Variants in ALDOA observed in about 807,000 individuals in gnomAD.
The protein encoded by ALDOA is fructose-bisphosphate aldolase A.
Under a neutral mutation model 43.9 loss-of-function variants are expected in ALDOA, and 26 were observed. The observed-to-expected ratio is 0.59, with a 90% CI of 0.43 to 0.82. The LOEUF is 0.82. ALDOA is among the 40% of genes least tolerant of loss of function. The probability of loss-of-function intolerance (pLI) is 0.00; values close to 1 mark genes in which losing one functional copy is unlikely to be tolerated. For synonymous variants in ALDOA, 258 were observed against 222.6 expected (o/e 1.16, Z -1.42); for missense variants, 498 against 549.5 (o/e 0.91, Z 0.94).
intron 6 of ALDOA, 115 bp downstream of exon 6, chr16:30,069,093 C>A: frequency 6.6e-7 from 1 of 1,516,264 alleles, no homozygotes; most frequent in Non-Finnish European, 9.1e-7. Flanking sequence ...TTAGCTTTGG[C>A]CCGTGGAGGA....
rs373670009 is a variant in ALDOA, at chr16:30,070,192, G to A, written c.1237G>A (p.Val413Ile). 58 of 1,614,086 alleles carry A rather than the reference G, an allele frequency of 3.6e-5. No individual in the cohort carries two copies. Among genetic ancestry groups the A allele is most frequent in the Non-Finnish European group, 4.7e-5 (56 of 1,180,026 alleles). ...AGAAASESLF[V>I]SNHAY ...GGCTGCTGCCAGCGAGTCCCTCTTCGTCTCTAACCACGCCTATTAAGCGGA... is the reference window on the plus strand; with the variant it reads ...GGCTGCTGCCAGCGAGTCCCTCTTCATCTCTAACCACGCCTATTAAGCGGA... The change falls in exon 10 of 10, where the codon GTC becomes ATC. Residue 413 changes from valine to isoleucine, a missense_variant. Val to Ile is a conservative substitution (Grantham distance 29). Coordinates refer to ENST00000642816, the MANE Select transcript of ALDOA (RefSeq NM_001243177.4).
Position 30,070,214 on chromosome 16 carries a change from C to A in ALDOA, c.*2C>A. 6.2e-7 allele frequency: 1 copy of A among 1,614,074 alleles called. No homozygotes were observed. The highest frequency in any genetic ancestry group is 8.5e-7 in the Non-Finnish European group (1 of 1,179,994). On this transcript the variant is annotated 3_prime_UTR_variant, in exon 10 of 10. Coordinates refer to ENST00000642816, the MANE Select transcript of ALDOA (RefSeq NM_001243177.4). ...TTCGTCTCTAACCACGCCTATTAAG[C>A]GGAGGTGTTCCCAGGCTGCCCCCAA...
At chr16:30,067,092 C>T in intron 2 of ALDOA, 54 bp downstream of exon 2, 1 of 1,569,160 alleles carries the variant, frequency 6.4e-7, no homozygotes, top group Non-Finnish European at 8.6e-7. Flanking sequence ...AGCTGGGGAC[C>T]AGAAGTGCCC....
At chr16:30,066,233 A>AG (rs1290793243) in intron 1 of ALDOA, 1 of 152,218 alleles carries the variant, frequency 6.6e-6, no homozygotes, top group African/African-American at 2.4e-5. Context: ...GGATCCTAAG[A>AG]GGCAGTGAGG....
Position 30,069,489 on chromosome 16 carries a change from T to C in ALDOA, c.787-10T>C. On this transcript the variant is annotated splice_polypyrimidine_tract_variant and intron_variant, in intron 7 of 9. Coordinates refer to ENST00000642816, the MANE Select transcript of ALDOA (RefSeq NM_001243177.4). ...ACCCCACTACCCACCGTGCGCCTGC[T>C]CTGCTCCAGGTGCTGGCTGCTGTCT... is the stretch of plus-strand genomic sequence containing the variant. 1.2e-6 allele frequency: 2 copies of C among 1,614,096 alleles called. No homozygotes were observed. The highest frequency in any genetic ancestry group is 1.3e-5 in the African/African-American group (1 of 75,028).
upstream of ALDOA, among the ~76,000 whole-genome samples, chr16:30,065,368 C>G (rs1307765405): frequency 6.6e-6 from 1 of 152,216 alleles, no homozygotes; most frequent in Non-Finnish European, 1.5e-5. Context: ...CGGCCCCGGG[C>G]CGCGCGCGCT....
upstream of ALDOA, chr16:30,065,659 G>C (rs1004250722): frequency 1.1e-4 from 17 of 152,260 alleles, no homozygotes; most frequent in Admixed American, 9.8e-4. Flanking sequence ...CCGTAGCCCA[G>C]TCCGTCGCCT....
At chr16:30,064,819 T>C (rs1330318514), upstream of ALDOA, 2 of 137,598 alleles carry the variant, frequency 1.5e-5, no homozygotes, top group Non-Finnish European at 3.0e-5. Context: ...GGGGTGGGGA[T>C]GGGGTTGGGG....
At chr16:30,065,182 C>T (rs1034422392), upstream of ALDOA, among the ~76,000 whole-genome samples, 1 of 152,230 alleles carries the variant, frequency 6.6e-6, no homozygotes, top group African/African-American at 2.4e-5. Context: ...GCCGCCTTCT[C>T]GCGCTCCCTG....
Position 30,070,307 on chromosome 16 carries a change from G to A in ALDOA, c.*95G>A, listed in dbSNP as rs1383527246. ...CCTCCTCGGGGCTCCAGGCTGGCTT[G>A]CCCGCGCTCTTTCTTCCCTCGTGAC... On this transcript the variant is annotated 3_prime_UTR_variant, in exon 10 of 10. Coordinates refer to ENST00000642816, the MANE Select transcript of ALDOA (RefSeq NM_001243177.4). 13 of 1,231,196 alleles carry A rather than the reference G, an allele frequency of 1.1e-5. No homozygotes were observed. The highest frequency in any genetic ancestry group is 1.5e-5 in the Non-Finnish European group (13 of 839,512). 76.3% of individuals were successfully genotyped at this position (1,231,196 alleles called of 1,614,324 possible).
Position 30,069,406 on chromosome 16 carries a change from C to T in ALDOA, c.786+17C>T, listed in dbSNP as rs1373041106. The T allele has an allele frequency of 1.2e-6, 2 of 1,614,148 alleles. No homozygotes were observed. Among genetic ancestry groups the T allele is most frequent in the Admixed American group, 1.7e-5 (1 of 60,016 alleles). On this transcript the variant is annotated intron_variant, in intron 7 of 9. Coordinates refer to ENST00000642816, the MANE Select transcript of ALDOA (RefSeq NM_001243177.4). ...ACCGAGAAGGTAAATGGCTACCTGC[C>T]TGACCAGTGCAAGGTGGCTGGCCGG...
chr16:30,066,482 G>T (rs535100528), intron 1 of ALDOA, among the ~76,000 whole-genome samples: 8 of 152,244 alleles, frequency 5.3e-5, no homozygotes, highest in Non-Finnish European at 8.8e-5. Context: ...CCACGTTCTT[G>T]CCCCGTAGGA....
Position 30,067,531 on chromosome 16 carries a change from C to T in ALDOA, c.356C>T (p.Thr119Ile), listed in dbSNP as rs1167070189. The change falls in exon 4 of 10, where the codon ACA becomes ATA. Residue 119 changes from threonine (T) to isoleucine (I), a missense_variant. Physicochemically the swap from Thr to Ile is moderately conservative, Grantham distance 89 (BLOSUM62 -1). Transcript: ENST00000642816. The stretch of plus-strand genomic sequence containing the variant: ...CGCTTCTACCGCCAGCTGCTGCTGA[C>T]AGCTGACGACCGCGTGAACCCCTGC... The part of the protein sequence containing the change: ...NRRFYRQLLL[T>I]ADDRVNPCIG... 2.5e-6 allele frequency: 4 copies of T among 1,613,922 alleles called. No individual in the cohort carries two copies. In the South Asian group the frequency reaches 3.3e-5, roughly 13 times the overall value.
Position 30,070,340 on chromosome 16 carries a change from TGTGGTGTC to T in ALDOA, c.*131_*138del, listed in dbSNP as rs2072284858. On this transcript the variant is annotated 3_prime_UTR_variant, in exon 10 of 10. Coordinates refer to ENST00000642816, the MANE Select transcript of ALDOA (RefSeq NM_001243177.4). ...TCTTTCTTCCCTCGTGACAGTGGTG[TGTGGTGTC>T]GTCTGTGAATGCTAAGTCCATCACC... 1 of 835,296 alleles carries T rather than the reference TGTGGTGTC, an allele frequency of 1.2e-6. No homozygotes were observed. The highest frequency in any genetic ancestry group is 2.0e-5 in the Admixed American group (1 of 49,646). 51.7% of individuals were successfully genotyped at this position (835,296 alleles called of 1,614,324 possible).
intron 6 of ALDOA, 83 bp from the exon 7 acceptor site, chr16:30,069,223 G>A (rs2072227036): frequency 5.4e-6 from 8 of 1,490,208 alleles, no homozygotes; most frequent in South Asian, 3.4e-5. Flanking sequence ...ATCAAGATAC[G>A]GTCTTGACCA....
At chr16:30,069,106 C>T in intron 6 of ALDOA, 128 bp downstream of exon 6, 1 of 1,477,026 alleles carries the variant, frequency 6.8e-7, no homozygotes, top group Admixed American at 1.8e-5. Flanking sequence ...GTGGAGGACA[C>T]TCAAGGGCTG....
At chr16:30,070,088 C>T in intron 9 of ALDOA, 29 bp from the exon 10 acceptor site, 2 of 1,613,718 alleles carry the variant, frequency 1.2e-6, no homozygotes, top group Non-Finnish European at 1.7e-6. Context: ...GAGAAGAGCC[C>T]TTCTCACTCC....
upstream of ALDOA, chr16:30,064,448 C>T (rs888312592): frequency 2.5e-6 from 1 of 398,608 alleles, no homozygotes; most frequent in African/African-American, 2.1e-5. Context: ...ATTTATTTCT[C>T]TTGACAACCA....
chr16:30,067,455 A>T lies in ALDOA; in HGVS notation c.280A>T (p.Ile94Phe). Residue 94 changes from isoleucine (I) to phenylalanine (F), a missense_variant, in exon 4 of 10, where the codon ATT (isoleucine) becomes TTT (phenylalanine). Transcript: ENST00000642816. ...ILAADESTGS[I>F]AKRLQSIGTE... is the part of the protein sequence containing the mutation. The stretch of plus-strand genomic sequence containing the variant: ...TTCCCATGTGACACTCCCAGGGAGC[A>T]TTGCCAAGCGGCTGCAGTCCATTGG... 2 of 1,613,512 alleles carry T rather than the reference A, an allele frequency of 1.2e-6. No homozygotes were observed. Among genetic ancestry groups the T allele is most frequent in the Admixed American group, 1.7e-5 (1 of 59,996 alleles).
Sources: allele counts gnomAD v4.1 joint callset (sites outside exome capture counted in the v4.1 genomes callset), GRCh38; gene constraint gnomAD v4.1.1; transcripts MANE v1.5; gene names NCBI Gene and HGNC (gene_info 2026-07-23, HGNC 2026-07-21).